The following XNDC1N variants were observed in gnomAD, a reference collection of about 807,000 sequenced individuals.
XNDC1N encodes protein XNDC1N.
the XNDC1N span, among the ~76,000 whole-genome samples, chr11:71,886,600 A>G: frequency 1.3e-5 from 2 of 152,194 alleles, no homozygotes; most frequent in Non-Finnish European, 2.9e-5. Context: ...TGGGAGGCCT[A>G]TCGTATGTAT....
chr11:71,921,002 T>C, the XNDC1N span, among the ~76,000 whole-genome samples: 2 of 151,420 alleles, frequency 1.3e-5, no homozygotes, highest in Non-Finnish European at 2.9e-5. Flanking sequence ...TTCTTCTTCT[T>C]TTTTTTTAGA....
the XNDC1N span, among the ~76,000 whole-genome samples, chr11:71,881,223 T>C: frequency 6.6e-6 from 1 of 152,244 alleles, no homozygotes; most frequent in African/African-American, 2.4e-5. Flanking sequence ...TTTGGAATTT[T>C]TATATCCTCT....
At chr11:71,886,526 T>C in the XNDC1N span, among the ~76,000 whole-genome samples, 1 of 151,866 alleles carries the variant, frequency 6.6e-6, no homozygotes. Flanking sequence ...CCACAAACGT[T>C]AACAAGCTCT....
At chr11:71,907,777 T>C in the XNDC1N span, among the ~76,000 whole-genome samples, 1 of 152,134 alleles carries the variant, frequency 6.6e-6, no homozygotes, top group Non-Finnish European at 1.5e-5. Context: ...TCCAGGATCA[T>C]GGGAACGATA....
At chr11:71,895,552 C>A in the XNDC1N span, among the ~76,000 whole-genome samples, 1 of 149,214 alleles carries the variant, frequency 6.7e-6, no homozygotes, top group Non-Finnish European at 1.5e-5. Context: ...GTCTTGAACT[C>A]CCGACCTCAG....
the XNDC1N span, among the ~76,000 whole-genome samples, chr11:71,900,177 G>A: frequency 6.6e-6 from 1 of 152,176 alleles, no homozygotes; most frequent in African/African-American, 2.4e-5. Context: ...ATTCGTTTTT[G>A]CTAAAATAAT....
chr11:71,923,809 A>C, the XNDC1N span, among the ~76,000 whole-genome samples: 1 of 151,966 alleles, frequency 6.6e-6, no homozygotes, highest in Non-Finnish European at 1.5e-5. Context: ...CCCGCCTCGG[A>C]CTCCCAAAGT....
the XNDC1N span, among the ~76,000 whole-genome samples, chr11:71,900,817 G>T: frequency 1.3e-5 from 2 of 152,174 alleles, no homozygotes; most frequent in African/African-American, 2.4e-5. Context: ...ATTTCAGGAT[G>T]ATTTTACAGA....
At chr11:71,925,573 G>A in the XNDC1N span, among the ~76,000 whole-genome samples, 2 of 152,052 alleles carry the variant, frequency 1.3e-5, no homozygotes, top group African/African-American at 2.4e-5. Flanking sequence ...GGAACTCACT[G>A]GGCACACAAA....
chr11:71,888,021 C>T, the XNDC1N span, among the ~76,000 whole-genome samples: 9 of 152,238 alleles, frequency 5.9e-5, no homozygotes, highest in Non-Finnish European at 8.8e-5. Flanking sequence ...TTCGGGGAGG[C>T]GTGGGCTCGA....
the XNDC1N span, among the ~76,000 whole-genome samples, chr11:71,870,153 CT>C: frequency 3.3e-5 from 5 of 152,198 alleles, no homozygotes; most frequent in Non-Finnish European, 7.4e-5. Flanking sequence ...AAGTTATCTC[CT>C]TCTGGTCCTG....
At chr11:71,897,653 G>A in the XNDC1N span, among the ~76,000 whole-genome samples, 1 of 152,216 alleles carries the variant, frequency 6.6e-6, no homozygotes, top group South Asian at 2.1e-4. Context: ...ATAGTATGGC[G>A]TGTACTGGAA....
chr11:71,915,506 C>CTTAT, the XNDC1N span, among the ~76,000 whole-genome samples: 1 of 151,572 alleles, frequency 6.6e-6, no homozygotes, highest in Non-Finnish European at 1.5e-5. Context: ...AAATTGTTGG[C>CTTAT]TTATATACAC....
the XNDC1N span, among the ~76,000 whole-genome samples, chr11:71,909,754 C>T: frequency 2.2e-4 from 34 of 152,288 alleles, no homozygotes; most frequent in Middle Eastern, 3.4e-3. Flanking sequence ...TGTAGGAGGA[C>T]ATAAAGTCAT....
the XNDC1N span, among the ~76,000 whole-genome samples, chr11:71,922,974 G>A: frequency 6.6e-6 from 1 of 152,200 alleles, no homozygotes; most frequent in Non-Finnish European, 1.5e-5. Context: ...TACCTCAAGT[G>A]TCCTACCCTG....
At chr11:71,899,593 G>A in the XNDC1N span, among the ~76,000 whole-genome samples, 1 of 152,212 alleles carries the variant, frequency 6.6e-6, no homozygotes, top group East Asian at 1.9e-4. Context: ...GACGTGCCTT[G>A]TTAACAAGAT....
chr11:71,919,898 T>TGA, the XNDC1N span, among the ~76,000 whole-genome samples: 1 of 133,086 alleles, frequency 7.5e-6, no homozygotes, highest in African/African-American at 2.7e-5. Context: ...ATTACAGGCG[T>TGA]GAGCCACCGC....
the XNDC1N span, chr11:71,884,554 AGTG>A: frequency 6.2e-7 from 1 of 1,602,620 alleles, no homozygotes; most frequent in Non-Finnish European, 8.5e-7. Context: ...GGACAAAAGA[AGTG>A]GTGAAAATTC....
At chr11:71,889,705 C>T in the XNDC1N span, among the ~76,000 whole-genome samples, 1 of 152,204 alleles carries the variant, frequency 6.6e-6, no homozygotes, top group Non-Finnish European at 1.5e-5. Context: ...TACCTGCCGA[C>T]AGCATGATAT....
Sources: allele counts gnomAD v4.1 joint callset (sites outside exome capture counted in the v4.1 genomes callset), GRCh38; gene constraint gnomAD v4.1.1; transcripts MANE v1.5; gene names NCBI Gene and HGNC (gene_info 2026-07-23, HGNC 2026-07-21).